The following OPCML variants were observed in gnomAD, a reference collection of about 807,000 sequenced individuals.
OPCML encodes opioid binding protein/cell adhesion molecule like.
A neutral mutation model predicts 37.8 loss-of-function variants in OPCML; 13 were observed. The observed-to-expected ratio is 0.34, with a 90% CI of 0.22 to 0.55. The LOEUF is 0.55. OPCML is among the 20% of genes least tolerant of loss of function. The pLI is 0.91. For missense variants in OPCML, 341 were observed against 435.6 expected (o/e 0.78, Z 1.93); for synonymous variants, 176 against 168.8 (o/e 1.04, Z -0.33).
chr11:133,155,953 G>T (rs1301416109), intron 1 of OPCML, among the ~76,000 whole-genome samples: 1 of 152,090 alleles, frequency 6.6e-6, no homozygotes, highest in Non-Finnish European at 1.5e-5. Context: ...CTCTTCTCTA[G>T]TCCTGTGTCT....
intron 2 of OPCML, among the ~76,000 whole-genome samples, chr11:132,838,965 G>C (rs2136297300): frequency 6.6e-6 from 1 of 152,278 alleles, no homozygotes; most frequent in South Asian, 2.1e-4. Context: ...ACATTACCAA[G>C]TGCACACCAA....
At chr11:132,466,444 A>C (rs1322169137) in intron 4 of OPCML, among the ~76,000 whole-genome samples, 1 of 151,420 alleles carries the variant, frequency 6.6e-6, no homozygotes, top group Non-Finnish European at 1.5e-5. Flanking sequence ...AGATCACGCC[A>C]CTGCACTCCA....
At chr11:133,278,881 A>G (rs1349501359) in intron 1 of OPCML, among the ~76,000 whole-genome samples, 1 of 152,218 alleles carries the variant, frequency 6.6e-6, no homozygotes, top group East Asian at 1.9e-4. Context: ...TCCATTTTAC[A>G]GATGAGAAAA....
At chr11:132,801,847 T>C (rs894817881) in intron 2 of OPCML, among the ~76,000 whole-genome samples, 21 of 152,210 alleles carry the variant, frequency 1.4e-4, no homozygotes, top group Admixed American at 1.0e-3. Context: ...TTATGAAAGA[T>C]AATGTCTGCC....
chr11:133,479,033 A>G (rs1304685902), intron 1 of OPCML, among the ~76,000 whole-genome samples: 1 of 152,152 alleles, frequency 6.6e-6, no homozygotes, highest in African/African-American at 2.4e-5. Context: ...GTATCTGTAT[A>G]ATGGAGATGA....
At chr11:133,405,174 C>A (rs1020025396) in intron 1 of OPCML, among the ~76,000 whole-genome samples, 1 of 152,196 alleles carries the variant, frequency 6.6e-6, no homozygotes, top group South Asian at 2.1e-4. Context: ...AAATCCTTGG[C>A]TCCCCTGGCT....
chr11:132,844,849 A>G (rs1417203219), intron 2 of OPCML, among the ~76,000 whole-genome samples: 1 of 151,892 alleles, frequency 6.6e-6, no homozygotes, highest in Non-Finnish European at 1.5e-5. Flanking sequence ...CTATAAGTGG[A>G]CCTATATAGC....
chr11:133,124,173 GA>G (rs11365049), intron 1 of OPCML, among the ~76,000 whole-genome samples: 108,621 of 149,814 alleles, frequency 0.73, 39,559 homozygotes, highest in African/African-American at 0.81. Flanking sequence ...AGGAAATTTA[GA>G]AAAAAAAAAA....
chr11:132,569,594 G>A (rs2096432576), intron 3 of OPCML, among the ~76,000 whole-genome samples: 1 of 152,190 alleles, frequency 6.6e-6, no homozygotes, highest in African/African-American at 2.4e-5. Context: ...TAATGTGGCA[G>A]TAGGGGGTAG....
chr11:133,023,815 G>A (rs1591922027), intron 1 of OPCML, among the ~76,000 whole-genome samples: 2 of 152,322 alleles, frequency 1.3e-5, no homozygotes, highest in South Asian at 4.1e-4. Flanking sequence ...GAGCTACGAG[G>A]CTGACTCATA....
At chr11:132,456,501 C>T (rs2096083242) in intron 4 of OPCML, among the ~76,000 whole-genome samples, 1 of 152,148 alleles carries the variant, frequency 6.6e-6, no homozygotes, top group African/African-American at 2.4e-5. Context: ...TTGCTCATTT[C>T]CAAGTGCACT....
At chr11:132,952,162 C>A (rs1379497677) in intron 1 of OPCML, among the ~76,000 whole-genome samples, 1 of 152,066 alleles carries the variant, frequency 6.6e-6, no homozygotes, top group Admixed American at 6.5e-5. Context: ...TCAGTGTGGA[C>A]CCAGTGGAGT....
intron 1 of OPCML, among the ~76,000 whole-genome samples, chr11:133,334,323 G>T (rs1246505270): frequency 1.3e-5 from 2 of 152,120 alleles, no homozygotes. Flanking sequence ...TGAAAAAAAA[G>T]AACAAGATCA....
intron 2 of OPCML, among the ~76,000 whole-genome samples, chr11:132,657,771 T>A (rs898385609): frequency 3.3e-5 from 5 of 152,236 alleles, no homozygotes; most frequent in African/African-American, 1.2e-4. Context: ...CATATTTACC[T>A]CCAGACCTCC....
intron 2 of OPCML, among the ~76,000 whole-genome samples, chr11:132,926,928 C>A (rs1202915204): frequency 1.3e-5 from 2 of 151,706 alleles, no homozygotes; most frequent in African/African-American, 4.8e-5. Flanking sequence ...AATTCTAGAG[C>A]TGAAAAATAC....
chr11:133,049,057 T>C (rs1432965906), intron 1 of OPCML, among the ~76,000 whole-genome samples: 3 of 152,236 alleles, frequency 2.0e-5, no homozygotes, highest in African/African-American at 7.2e-5. Context: ...GACTTCACTC[T>C]TAGCACTATG....
At chr11:132,881,009 C>G (rs1347363917) in intron 2 of OPCML, among the ~76,000 whole-genome samples, 1 of 152,164 alleles carries the variant, frequency 6.6e-6, no homozygotes, top group Non-Finnish European at 1.5e-5. Flanking sequence ...AGTGTTTTTA[C>G]AAGTCTGACC....
rs572403418 is a variant in OPCML, at chr11:132,568,075, T to C, written c.380-38889A>G. Among the ~76,000 whole-genome samples, 18 of 151,896 alleles carry C rather than the reference T, an allele frequency of 1.2e-4. No homozygotes were observed. In the South Asian group the frequency reaches 2.5e-3, roughly 21 times the overall value. ...GCGCGTGTGTGTGTGTGTGTTTGAT[T>C]AGTCAAGGTGAAAAAAAAAACTTTC... is the stretch of plus-strand genomic sequence containing the variant. On this transcript the variant is annotated intron_variant, in intron 3 of 7. Transcript: ENST00000524381.
intron 1 of OPCML, among the ~76,000 whole-genome samples, chr11:133,333,684 A>C (rs1362927860): frequency 6.6e-6 from 1 of 152,234 alleles, no homozygotes. Context: ...GAAAGAAACT[A>C]TCAACAGAGT....
Sources: allele counts gnomAD v4.1 joint callset (sites outside exome capture counted in the v4.1 genomes callset), GRCh38; gene constraint gnomAD v4.1.1; transcripts MANE v1.5; gene names NCBI Gene and HGNC (gene_info 2026-07-23, HGNC 2026-07-21).